CLSTN2: variants seen among roughly 807,000 people sequenced by gnomAD.
The protein encoded by CLSTN2 is calsyntenin-2.
CLSTN2 carries 48 observed loss-of-function variants against 101.2 expected under a neutral mutation model. That is an observed-to-expected ratio of 0.47 (90% CI 0.38 to 0.60). CLSTN2 has a LOEUF of 0.60. CLSTN2 is among the 20% of genes least tolerant of loss of function. The probability of loss-of-function intolerance (pLI) is 0.00; values close to 1 mark genes in which losing one functional copy is unlikely to be tolerated. For synonymous variants in CLSTN2, 481 were observed against 463.6 expected (o/e 1.04, Z -0.48); for missense variants, 1,160 against 1,238.2 (o/e 0.94, Z 0.95).
At chr3:140,501,449 A>C (rs1213993094) in intron 8 of CLSTN2, among the ~76,000 whole-genome samples, 1 of 151,420 alleles carries the variant, frequency 6.6e-6, no homozygotes, top group Non-Finnish European at 1.5e-5. Flanking sequence ...ATTAAATGAA[A>C]TCCTTCAGGA....
chr3:140,127,332 A>G (rs906652403), intron 1 of CLSTN2, among the ~76,000 whole-genome samples: 8 of 152,194 alleles, frequency 5.3e-5, no homozygotes, highest in African/African-American at 1.7e-4. Flanking sequence ...ACAATGGTAG[A>G]ATTGTCATGA....
chr3:140,405,389 G>C (rs540582351), intron 4 of CLSTN2, among the ~76,000 whole-genome samples: 1 of 152,042 alleles, frequency 6.6e-6, no homozygotes, highest in East Asian at 1.9e-4. Context: ...CACCATGCTC[G>C]GCTAATTTTG....
chr3:140,404,741 T>G lies in CLSTN2; in HGVS notation c.612T>G (p.Asp204Glu). The G allele has an allele frequency of 1.2e-6, 2 of 1,614,198 alleles. No homozygotes were observed. The highest frequency in any genetic ancestry group is 1.7e-6 in the Non-Finnish European group (2 of 1,180,026). Residue 204 changes from aspartate (D) to glutamate (E), a missense_variant, in exon 4 of 17, where the codon GAT becomes GAG. Physicochemically the swap from Asp to Glu is conservative, Grantham distance 45. Transcript: ENST00000458420. ...GCAACTATGAAATCGTCACCACAGA[T>G]GTGCCTTTTGCCATCGACAGAAATG... ...QICNYEIVTT[D>E]VPFAIDRNGN...
At chr3:139,966,165 G>C (rs1384489006) in intron 1 of CLSTN2, among the ~76,000 whole-genome samples, 1 of 152,060 alleles carries the variant, frequency 6.6e-6, no homozygotes, top group Non-Finnish European at 1.5e-5. Context: ...CTGTGGGTAG[G>C]GGTAACTGCA....
chr3:140,039,716 G>C (rs1351567206), intron 1 of CLSTN2, among the ~76,000 whole-genome samples: 1 of 152,134 alleles, frequency 6.6e-6, no homozygotes, highest in Non-Finnish European at 1.5e-5. Flanking sequence ...TAGGATTCTA[G>C]GCTCTGGAGA....
intron 1 of CLSTN2, among the ~76,000 whole-genome samples, chr3:140,049,457 G>T (rs186340745): frequency 5.9e-5 from 9 of 152,284 alleles, no homozygotes; most frequent in African/African-American, 2.2e-4. Context: ...TTTATTAAAT[G>T]CTTATTAGGG....
At chr3:140,203,461 GTTTTTTTTTTTTTTTTTTTT>G (rs58182333) in intron 2 of CLSTN2, among the ~76,000 whole-genome samples, 38 of 67,930 alleles carry the variant, frequency 5.6e-4, no homozygotes, top group South Asian at 4.3e-3. Flanking sequence ...GAAAGTGTGG[GTTTTTTTTTTTTTTTTTTTT>G]TTTTTTTTTT....
chr3:140,492,322 G>A (rs537816856), intron 8 of CLSTN2, among the ~76,000 whole-genome samples: 3 of 152,128 alleles, frequency 2.0e-5, no homozygotes, highest in South Asian at 2.1e-4. Flanking sequence ...CTACCCAGCC[G>A]AAAAATACAT....
chr3:139,976,573 G>T (rs1211811184), intron 1 of CLSTN2, among the ~76,000 whole-genome samples: 1 of 152,202 alleles, frequency 6.6e-6, no homozygotes, highest in Non-Finnish European at 1.5e-5. Flanking sequence ...GAATCTGCCT[G>T]AGGTCAAAGT....
chr3:140,513,555 T>C (rs1200055064), intron 8 of CLSTN2, among the ~76,000 whole-genome samples: 1 of 151,096 alleles, frequency 6.6e-6, no homozygotes, highest in South Asian at 2.1e-4. Context: ...TCAAGGATAC[T>C]GACCTGAAGC....
intron 1 of CLSTN2, among the ~76,000 whole-genome samples, chr3:139,943,991 T>C (rs914272961): frequency 3.9e-5 from 6 of 152,240 alleles, no homozygotes; most frequent in African/African-American, 1.2e-4. Context: ...CGTAAAAGTC[T>C]ACGATTTTGC....
chr3:140,547,906 G>T (rs937071329), intron 10 of CLSTN2, among the ~76,000 whole-genome samples: 1 of 152,210 alleles, frequency 6.6e-6, no homozygotes, highest in Non-Finnish European at 1.5e-5. Context: ...TGAAGCCCCA[G>T]AAGCTATGAG....
intron 1 of CLSTN2, among the ~76,000 whole-genome samples, chr3:140,128,951 G>T (rs1175859342): frequency 6.6e-6 from 1 of 152,148 alleles, no homozygotes; most frequent in Non-Finnish European, 1.5e-5. Context: ...TGCAGACATG[G>T]TGCATACTTA....
intron 1 of CLSTN2, among the ~76,000 whole-genome samples, chr3:140,014,154 C>A (rs1274685802): frequency 6.6e-5 from 10 of 152,246 alleles, no homozygotes; most frequent in African/African-American, 1.9e-4. Flanking sequence ...CTTTGGGGAA[C>A]CTTGAGTTAG....
In CLSTN2 at chr3:140,564,135, A is replaced by G. The variant is rs1367471846; in HGVS notation, c.2657A>G (p.Asn886Ser). Residue 886 changes from asparagine (N) to serine (S), a missense_variant, in exon 16 of 17, where the codon AAC (asparagine) becomes AGC (serine). Asn to Ser is a conservative substitution (Grantham distance 46). Transcript: ENST00000458420. ...GATTCTGCGCTGACTATCACAGTCAACCCCATGGAGGTGATCCTCATGCAC... is the reference window on the plus strand; with the variant it reads ...GATTCTGCGCTGACTATCACAGTCAGCCCCATGGAGGTGATCCTCATGCAC... ...WDDSALTITV[N>S]PMEKHEGPGH... is the part of the protein sequence containing the mutation. The G allele has an allele frequency of 1.9e-6, 3 of 1,613,574 alleles. No homozygotes were observed. Among genetic ancestry groups the G allele is most frequent in the African/African-American group, 1.3e-5 (1 of 74,822 alleles).
At chr3:140,159,005 C>A (rs528127013) in intron 1 of CLSTN2, among the ~76,000 whole-genome samples, 2 of 152,226 alleles carry the variant, frequency 1.3e-5, no homozygotes, top group South Asian at 2.1e-4. Context: ...GGACCCCTAC[C>A]TTTTACCATG....
chr3:140,424,250 T>A (rs116641981), intron 5 of CLSTN2, among the ~76,000 whole-genome samples: 292 of 152,232 alleles, frequency 1.9e-3, no homozygotes, highest in Non-Finnish European at 3.6e-3. Flanking sequence ...GGATCCAGAG[T>A]CTGGGATGTC....
chr3:140,100,549 T>C (rs763545341), intron 1 of CLSTN2, among the ~76,000 whole-genome samples: 1 of 152,220 alleles, frequency 6.6e-6, no homozygotes, highest in Non-Finnish European at 1.5e-5. Context: ...CTTCAAAACA[T>C]GACTTGGTGA....
chr3:139,953,393 C>T (rs527561716), intron 1 of CLSTN2, among the ~76,000 whole-genome samples: 17 of 152,256 alleles, frequency 1.1e-4, no homozygotes, highest in Non-Finnish European at 1.5e-5. Context: ...CATGTTCCCC[C>T]TGAACCTCTA....
Sources: gnomAD v4.1 joint callset for allele counts (sites outside exome capture counted in the v4.1 genomes callset) on GRCh38, gnomAD v4.1.1 for gene constraint, MANE v1.5 for transcripts, NCBI Gene and HGNC (gene_info 2026-07-23, HGNC 2026-07-21) for gene names.